Variants in ZNF473 observed in about 807,000 individuals in gnomAD.
The protein encoded by ZNF473 is zinc finger protein 473.
A neutral mutation model predicts 11.1 loss-of-function variants in ZNF473; 4 were observed. The observed-to-expected ratio is 0.36, with a 90% confidence interval of 0.18 to 0.82. ZNF473 has a LOEUF of 0.82. Among genes scored for constraint, ZNF473 ranks in the 40% least tolerant of loss-of-function variants. ZNF473 has a pLI of 0.49. For missense variants in ZNF473, 854 were observed against 1,084.0 expected (o/e 0.79, Z 2.98); for synonymous variants, 404 against 390.4 (o/e 1.03, Z -0.41).
Position 50,045,869 on chromosome 19 carries a change from C to T in ZNF473, c.1426C>T (p.Arg476Ter), listed in dbSNP as rs760348787. ...RSFSRPSHLMRHQAIHTAEKP... is the reference protein window; with the variant it reads ...RSFSRPSHLM ...TTTCAGCCGGCCCTCACATCTGATGCGACATCAGGCCATTCACACCGCAGA... is the reference window on the plus strand; with the variant it reads ...TTTCAGCCGGCCCTCACATCTGATGTGACATCAGGCCATTCACACCGCAGA... Residue 476 changes from arginine (R) to a stop codon, truncating the protein, a stop_gained, in exon 5 of 5, where the codon CGA becomes TGA. Coordinates refer to ENST00000270617, the MANE Select transcript of ZNF473 (RefSeq NM_015428.4). LOFTEE classifies it low-confidence loss of function (END_TRUNC). 19 of 1,613,934 alleles carry T rather than the reference C, an allele frequency of 1.2e-5. No homozygotes were observed. The highest frequency in any genetic ancestry group is 2.2e-5 in the East Asian group (1 of 44,878).
At chr19:50,034,026 G>A (rs1305846439) in intron 2 of ZNF473, among the ~76,000 whole-genome samples, 2 of 152,092 alleles carry the variant, frequency 1.3e-5, no homozygotes, top group East Asian at 1.9e-4. Flanking sequence ...GGCATTATTC[G>A]GCCATGACAA....
At chr19:50,044,206 G>T (rs142269192) in intron 4 of ZNF473, among the ~76,000 whole-genome samples, 1 of 152,228 alleles carries the variant, frequency 6.6e-6, no homozygotes, top group Admixed American at 6.5e-5. Flanking sequence ...GAGACATTTC[G>T]ATAGAGACCA....
At chr19:50,031,163 A>G in intron 2 of ZNF473, 72 bp downstream of exon 2, 1 of 1,548,034 alleles carries the variant, frequency 6.5e-7, no homozygotes, top group Non-Finnish European at 8.7e-7. Context: ...TTTGTGGCCG[A>G]GGCGAGTTGA....
intron 1 of ZNF473, among the ~76,000 whole-genome samples, chr19:50,027,850 G>A (rs1231937130): frequency 6.6e-6 from 1 of 152,040 alleles, no homozygotes; most frequent in Non-Finnish European, 1.5e-5. Flanking sequence ...ACCATGCCTG[G>A]CTAATTTCTG....
chr19:50,045,197 C>T lies in ZNF473; in HGVS notation c.754C>T (p.Leu252Phe), dbSNP rs772969573. The T allele has an allele frequency of 4.3e-6, 7 of 1,614,174 alleles. No individual in the cohort carries two copies. The Admixed American group carries it at 5.0e-5, about 12-fold the overall frequency. The change falls in exon 5 of 5, where the codon CTT (leucine) becomes TTT (phenylalanine). Residue 252 changes from leucine (L) to phenylalanine (F), a missense_variant. Coordinates refer to ENST00000270617, the MANE Select transcript of ZNF473 (RefSeq NM_015428.4). The stretch of plus-strand genomic sequence containing the variant: ...GCAAGGTTTTGACCGGAATGCTTCC[C>T]TTTCTGTGTATCCGAAAACTCACAC... ...CEQGFDRNAS[L>F]SVYPKTHTGY...
intron 3 of ZNF473, among the ~76,000 whole-genome samples, chr19:50,040,913 C>T (rs1288897247): frequency 6.6e-6 from 1 of 152,214 alleles, no homozygotes; most frequent in East Asian, 1.9e-4. Context: ...CTACAGCCCA[C>T]AGTAAGAAGT....
rs1291076624 is a variant in ZNF473, at chr19:50,045,974, G to A, written c.1531G>A (p.Val511Ile). 4.3e-6 allele frequency: 7 copies of A among 1,614,040 alleles called. No homozygotes were observed. The highest frequency in any genetic ancestry group is 5.9e-6 in the Non-Finnish European group (7 of 1,180,042). ...TGTGCAACACCAGAAAATGCACACT[G>A]TCAAAACCCCATATGAATGTCAGGA... ...RLVQHQKMHT[V>I]KTPYECQECG... The change falls in exon 5 of 5, where the codon GTC (valine) becomes ATC (isoleucine). Residue 511 changes from valine (V) to isoleucine (I), a missense_variant. Val to Ile is a conservative substitution (Grantham distance 29, BLOSUM62 3). Around this residue, in one of 2 missense-constraint regions of ZNF473, gnomAD observed 668 missense variants for 790.2 expected, o/e 0.85. Coordinates refer to ENST00000270617, the MANE Select transcript of ZNF473 (RefSeq NM_015428.4).
chr19:50,044,635 T>G, intron 4 of ZNF473, 35 bp from the exon 5 acceptor site: 4 of 1,532,844 alleles, frequency 2.6e-6, no homozygotes, highest in Non-Finnish European at 3.6e-6. Flanking sequence ...TTCTCACCCT[T>G]AGTGAACAGG....
rs533591877 is a variant in ZNF473, at chr19:50,031,166, C to T, written c.9+75C>T. The T allele has an allele frequency of 5.8e-6, 9 of 1,539,328 alleles. No individual in the cohort carries two copies. The highest frequency in any genetic ancestry group is 1.2e-5 in the South Asian group (1 of 83,892). On this transcript the variant is annotated intron_variant, in intron 2 of 4. Coordinates refer to ENST00000270617, the MANE Select transcript of ZNF473 (RefSeq NM_015428.4). ...AATTGGCCTTCCTTTGTGGCCGAGGCGAGTTGAAGGTCGCTCTGTGTTGAT... is the reference window on the plus strand; with the variant it reads ...AATTGGCCTTCCTTTGTGGCCGAGGTGAGTTGAAGGTCGCTCTGTGTTGAT...
chr19:50,036,690 C>T (rs1276706237), intron 2 of ZNF473, among the ~76,000 whole-genome samples: 1 of 151,970 alleles, frequency 6.6e-6, no homozygotes, highest in South Asian at 2.1e-4. Context: ...TTCATTTATT[C>T]ATGGAATAAT....
At chr19:50,040,206 G>A (rs1391355212) in intron 3 of ZNF473, among the ~76,000 whole-genome samples, 1 of 152,186 alleles carries the variant, frequency 6.6e-6, no homozygotes, top group Admixed American at 6.5e-5. Flanking sequence ...GAGGTACATG[G>A]GGCAAAGTCC....
chr19:50,026,612 G>A (rs1343238850), intron 1 of ZNF473, among the ~76,000 whole-genome samples: 1 of 151,528 alleles, frequency 6.6e-6, no homozygotes, highest in African/African-American at 2.4e-5. Context: ...TGGGCGGATC[G>A]CTTGAGCCCA....
chr19:50,036,054 T>G (rs551778371), intron 2 of ZNF473, among the ~76,000 whole-genome samples: 1 of 152,112 alleles, frequency 6.6e-6, no homozygotes, highest in African/African-American at 2.4e-5. Context: ...TCTCCTGGGC[T>G]CAAGTGATCC....
chr19:50,045,130 C>T lies in ZNF473; in HGVS notation c.687C>T (p.Ile229=). ...GTTACCGTCTTACCCAGCACTGGAT[C>T]ACTCATACTAGGGAGAAACCCACTG... ...SGSYRLTQHW[I]THTREKPTVH... is the part of the protein sequence containing the mutation. Residue 229 remains isoleucine, a synonymous_variant, in exon 5 of 5, where the codon ATC becomes ATT. Transcript: ENST00000270617. 6.2e-7 allele frequency: 1 copy of T among 1,614,206 alleles called. No homozygotes were observed. The highest frequency in any genetic ancestry group is 8.5e-7 in the Non-Finnish European group (1 of 1,180,040).
intron 2 of ZNF473, among the ~76,000 whole-genome samples, chr19:50,033,384 T>G (rs540567023): frequency 7.2e-4 from 110 of 152,176 alleles, no homozygotes; most frequent in Middle Eastern, 3.4e-3. Context: ...GAGTGGCAGC[T>G]GGGGCCAGAT....
In ZNF473 at chr19:50,047,767, A is replaced by G. The variant is rs1209741056; in HGVS notation, c.*708A>G. 1.3e-5 allele frequency: 2 copies of G among 152,244 alleles called. No homozygotes were observed. The highest frequency in any genetic ancestry group is 4.8e-5 in the African/African-American group (2 of 41,450). The allele number at this position is 152,244 out of a possible 1,614,324, so 9.4% of individuals were successfully genotyped here. A position where few individuals can be genotyped will look rare whatever the true frequency, so the allele number is the denominator to read the frequency against. On this transcript the variant is annotated 3_prime_UTR_variant, in exon 5 of 5. Coordinates refer to ENST00000270617, the MANE Select transcript of ZNF473 (RefSeq NM_015428.4). ...GCTTCTCACTTAAAGAGGACTCCCT[A>G]TCCCACAAACACATGCTCCCTCTTC...
intron 2 of ZNF473, among the ~76,000 whole-genome samples, chr19:50,036,612 C>T (rs1331191118): frequency 6.6e-6 from 1 of 151,522 alleles, no homozygotes; most frequent in African/African-American, 2.4e-5. Flanking sequence ...GTTTGAGCCA[C>T]TGCGCCCGGC....
rs1979190881 is a variant in ZNF473 at position 50,047,185 on chromosome 19, C to G, written c.*126C>G. Reference sequence around the variant, plus strand: ...AAAGATTGATTAGAAAGTTTGTGCGCATGTTTTTCATTATAACAATGAAAA... The same window carrying G: ...AAAGATTGATTAGAAAGTTTGTGCGGATGTTTTTCATTATAACAATGAAAA... On this transcript the variant is annotated 3_prime_UTR_variant, in exon 5 of 5. Transcript: ENST00000270617. 1.2e-6 allele frequency: 1 copy of G among 823,826 alleles called. No homozygotes were observed. The highest frequency in any genetic ancestry group is 1.7e-5 in the African/African-American group (1 of 58,168). The allele number at this position is 823,826 out of a possible 1,614,324, so 51.0% of individuals were successfully genotyped here.
intron 1 of ZNF473, among the ~76,000 whole-genome samples, chr19:50,027,036 T>G (rs1005108166): frequency 2.6e-5 from 4 of 152,122 alleles, no homozygotes; most frequent in Non-Finnish European, 5.9e-5. Flanking sequence ...TGGAGTTGCA[T>G]TTCCTCTTCT....
Sources: allele counts gnomAD v4.1 joint callset (sites outside exome capture counted in the v4.1 genomes callset), GRCh38; gene constraint gnomAD v4.1.1; regional missense constraint gnomAD v4.1.1; transcripts MANE v1.5; gene names NCBI Gene and HGNC (gene_info 2026-07-23, HGNC 2026-07-21).